GLB1: variants seen among roughly 807,000 people sequenced by gnomAD.
GLB1 encodes the protein beta-galactosidase.
Under a neutral mutation model 74.0 loss-of-function variants are expected in GLB1, and 56 were observed. The observed-to-expected ratio is 0.76, with a 90% CI of 0.61 to 0.94. GLB1 has a LOEUF of 0.94. GLB1 is among the 40% of genes least tolerant of loss of function. The probability of loss-of-function intolerance (pLI) is 0.00; values close to 1 mark genes in which losing one functional copy is unlikely to be tolerated. For missense variants in GLB1, 787 were observed against 845.5 expected (o/e 0.93, Z 0.86); for synonymous variants, 323 against 323.6 (o/e 1.00, Z 0.02).
At chr3:33,091,833 T>A in intron 1 of GLB1, 1 of 985,422 alleles carries the variant, frequency 1.0e-6, no homozygotes. Flanking sequence ...AGCCCTGTCT[T>A]CTCAGTGAGG....
the GLB1 span, among the ~76,000 whole-genome samples, chr3:32,972,374 GC>G: frequency 2.0e-5 from 3 of 152,162 alleles, no homozygotes; most frequent in Non-Finnish European, 4.4e-5. Context: ...GATGATAATG[GC>G]CGAGCTGTCA....
chr3:33,015,185 G>A (rs1458604176), intron 14 of GLB1, among the ~76,000 whole-genome samples: 2 of 152,164 alleles, frequency 1.3e-5, no homozygotes, highest in Non-Finnish European at 2.9e-5. Flanking sequence ...AGGAATGAGT[G>A]AGTGTGGGAT....
chr3:33,072,537 T>A lies in GLB1; in HGVS notation c.245+7A>T. ...CCTAGGTGAGAGCCACATGCCCTCC[T>A]ACTTACGTCTGGATGGCGTTCAGCC... On this transcript the variant is annotated splice_region_variant and intron_variant, in intron 2 of 15. Coordinates refer to ENST00000307363, the MANE Select transcript of GLB1 (RefSeq NM_000404.4). 1.2e-6 allele frequency: 2 copies of A among 1,612,938 alleles called. No homozygotes were observed. Among genetic ancestry groups the A allele is most frequent in the Non-Finnish European group, 1.7e-6 (2 of 1,179,996 alleles).
rs752177002 is a variant in GLB1, at chr3:33,046,178, A to G, written c.1010T>C (p.Leu337Pro). 1.2e-6 allele frequency: 2 copies of G among 1,614,032 alleles called. No homozygotes were observed. Among genetic ancestry groups the G allele is most frequent in the South Asian group, 2.2e-5 (2 of 91,082 alleles). The change falls in exon 10 of 16, where the codon CTG becomes CCG. Residue 337 changes from leucine to proline, a missense_variant. Physicochemically the swap from Leu to Pro is moderately conservative, Grantham distance 98. Coordinates refer to ENST00000307363, the MANE Select transcript of GLB1 (RefSeq NM_000404.4). ...CTCAGTGAGGTCCCCAGCCTCACTC[A>G]GTGGGGCATCATAGTCGTAGCTGGT... ...QPTSYDYDAP[L>P]SEAGDLTEKY...
rs1559412870 is a variant in GLB1 at position 33,074,369 on chromosome 3, G to GAAAGAAAGAAAGAAAGAAAGAAAGA, written c.76-1657_76-1656insTCTTTCTTTCTTTCTTTCTTTCTTT. Among the ~76,000 whole-genome samples the GAAAGAAAGAAAGAAAGAAAGAAAGA allele has an allele frequency of 2.0e-3, 13 of 6,536 alleles. 1 individual carries two copies. Among genetic ancestry groups the GAAAGAAAGAAAGAAAGAAAGAAAGA allele is most frequent in the Admixed American group, 4.0e-3 (1 of 250 alleles). The allele number at this position is 6,536 out of a possible 152,430, so 4.3% of individuals were successfully genotyped here. ...GGAAGGAAGGAAGGAAGGAAGGAAG[G>GAAAGAAAGAAAGAAAGAAAGAAAGA]AAGGAAGGAAGGAAGGAAGGAAGAA... On this transcript the variant is annotated intron_variant, in intron 1 of 15. Transcript: ENST00000307363.
chr3:33,068,793 G>A (rs1227934359), intron 3 of GLB1, 27 bp downstream of exon 3: 20 of 1,613,058 alleles, frequency 1.2e-5, no homozygotes, highest in Non-Finnish European at 1.5e-5. Context: ...ACACACACCA[G>A]GTAGAGCCCA....
intron 9 of GLB1, among the ~76,000 whole-genome samples, chr3:33,051,233 C>CAGAA (rs1553610268): frequency 1.0e-4 from 8 of 76,364 alleles, no homozygotes; most frequent in Admixed American, 3.0e-4. Context: ...GACTGCGTCT[C>CAGAA]AAAAAAAAAA....
At chr3:33,002,366 A>ATCCT (rs201204908) in intron 15 of GLB1, among the ~76,000 whole-genome samples, 24,643 of 73,386 alleles carry the variant, frequency 0.34, 2,883 homozygotes, top group Admixed American at 0.47. Context: ...CCTTCCTTCC[A>ATCCT]TCCTTCCTTC....
chr3:33,034,617 A>T, intron 10 of GLB1: 1 of 723,740 alleles, frequency 1.4e-6, no homozygotes, highest in South Asian at 1.4e-5. Flanking sequence ...AAATTGCTGC[A>T]CAAGTTCAAT....
At chr3:33,026,923 A>C (rs1404972712) in intron 10 of GLB1, among the ~76,000 whole-genome samples, 1 of 152,120 alleles carries the variant, frequency 6.6e-6, no homozygotes, top group Non-Finnish European at 1.5e-5. Context: ...CTCACCCTCC[A>C]CTTGTCTGTA....
intron 3 of GLB1, 103 bp downstream of exon 3, chr3:33,068,717 C>T: frequency 6.3e-7 from 1 of 1,597,914 alleles, no homozygotes; most frequent in Non-Finnish European, 8.5e-7. Context: ...AGTCCCAGGC[C>T]CCATGCTCTC....
intron 1 of GLB1, chr3:33,090,724 G>A: frequency 1.0e-6 from 1 of 985,436 alleles, no homozygotes; most frequent in South Asian, 4.7e-5. Flanking sequence ...AATTTCTGCT[G>A]CAAAAATGTC....
chr3:33,069,069 A>G, intron 2 of GLB1, 99 bp from the exon 3 acceptor site: 1 of 1,599,610 alleles, frequency 6.3e-7, no homozygotes, highest in African/African-American at 1.3e-5. Flanking sequence ...TAACACATGG[A>G]TAAGAGGGAG....
chr3:32,961,657 T>C, the GLB1 span, among the ~76,000 whole-genome samples: 1 of 152,260 alleles, frequency 6.6e-6, no homozygotes, highest in East Asian at 1.9e-4. Flanking sequence ...CATTAAACAA[T>C]GCAAAGACAA....
intron 1 of GLB1, chr3:33,096,808 A>G: frequency 7.3e-7 from 1 of 1,360,576 alleles, no homozygotes; most frequent in Non-Finnish European, 9.4e-7. Flanking sequence ...AGCTGCCTGG[A>G]AGGACGCGCG....
At chr3:33,063,495 G>A (rs907341347) in intron 5 of GLB1, among the ~76,000 whole-genome samples, 1 of 152,154 alleles carries the variant, frequency 6.6e-6, no homozygotes, top group South Asian at 2.1e-4. Flanking sequence ...AGTCATCTGA[G>A]GTTGCTAGGG....
the GLB1 span, among the ~76,000 whole-genome samples, chr3:32,978,391 A>C: frequency 6.7e-6 from 1 of 149,498 alleles, no homozygotes; most frequent in African/African-American, 2.6e-5. Flanking sequence ...TAAAAAACAA[A>C]AAAAAAAACA....
rs539359285 is a variant in GLB1, at chr3:33,095,186, G to C, written c.75+1825C>G. ...AGATCGTGCCACTGCACTCCAGCCT[G>C]GGCAAAAGAGCGAGACTCTGTCTCA... On this transcript the variant is annotated intron_variant, in intron 1 of 15. Coordinates refer to ENST00000307363, the MANE Select transcript of GLB1 (RefSeq NM_000404.4). Among the ~76,000 whole-genome samples, 7 of 135,410 alleles carry C rather than the reference G, an allele frequency of 5.2e-5. No homozygotes were observed. The East Asian group carries it at 1.3e-3, about 26-fold the overall frequency. The allele number at this position is 135,410 out of a possible 152,430, so 88.8% of individuals were successfully genotyped here. A position where few individuals can be genotyped will look rare whatever the true frequency, so the allele number is the denominator to read the frequency against.
Position 33,021,611 on chromosome 3 carries a change from C to T in GLB1, c.1188G>A (p.Gly396=). ...GAALDILCPS[G]PIKSLYPLTF... is the part of the protein sequence containing the mutation. ...TCAAGGGATAAAGGCTTTTGATGGG[C>T]CCAGAGGGACACAGAATGTCCAGAG... The change falls in exon 12 of 16, where the codon GGG becomes GGA. Residue 396 remains glycine, a synonymous_variant. Transcript: ENST00000307363. 6.2e-7 allele frequency: 1 copy of T among 1,614,078 alleles called. No individual in the cohort carries two copies. Among genetic ancestry groups the T allele is most frequent in the Non-Finnish European group, 8.5e-7 (1 of 1,179,992 alleles).
Sources: gnomAD v4.1 joint callset for allele counts (sites outside exome capture counted in the v4.1 genomes callset) on GRCh38, gnomAD v4.1.1 for gene constraint, MANE v1.5 for transcripts, NCBI Gene and HGNC (gene_info 2026-07-23, HGNC 2026-07-21) for gene names.